Variants in NETO1 observed in about 807,000 individuals in gnomAD.
NETO1 encodes neuropilin and tolloid like 1, also known as neuropilin and tolloid-like protein 1.
Under a neutral mutation model 61.3 loss-of-function variants are expected in NETO1, and 26 were observed. The observed-to-expected ratio is 0.42, with a 90% CI of 0.31 to 0.59. The LOEUF (loss-of-function observed/expected upper bound fraction) is 0.59, where lower values mean the gene tolerates loss of function less well. Ranked by LOEUF, NETO1 falls within the 20% of genes least tolerant of loss-of-function variation. NETO1 has a pLI of 0.12. For missense variants in NETO1, 531 were observed against 662.8 expected, an observed-to-expected ratio of 0.80 and a Z score of 2.18; for synonymous variants, 225 against 225.8, an observed-to-expected ratio of 1.00 and a Z score of 0.03.
At chr18:72,844,605 C>T (rs1462091902) in intron 4 of NETO1, among the ~76,000 whole-genome samples, 4 of 152,152 alleles carry the variant, frequency 2.6e-5, no homozygotes, top group African/African-American at 4.8e-5. Flanking sequence ...CAGATTTTTT[C>T]GTATCTGGCG....
intron 7 of NETO1, among the ~76,000 whole-genome samples, chr18:72,782,272 C>T (rs554208106): frequency 6.6e-6 from 1 of 152,258 alleles, no homozygotes; most frequent in African/African-American, 2.4e-5. Flanking sequence ...CATTTGATTC[C>T]ATGCCTTTAC....
At chr18:72,776,516 T>C (rs2145200792) in intron 7 of NETO1, among the ~76,000 whole-genome samples, 1 of 152,296 alleles carries the variant, frequency 6.6e-6, no homozygotes, top group South Asian at 2.1e-4. Flanking sequence ...GAAATTTACT[T>C]CTCACTGTTT....
At chr18:72,752,097 G>A (rs1239025256) in intron 8 of NETO1, 1 of 152,106 alleles carries the variant, frequency 6.6e-6, no homozygotes, top group Non-Finnish European at 1.5e-5. Flanking sequence ...GAGACAGTTA[G>A]TGTCTTAAGA....
chr18:72,848,277 A>C (rs909442370), intron 4 of NETO1, among the ~76,000 whole-genome samples: 3 of 152,176 alleles, frequency 2.0e-5, no homozygotes, highest in Non-Finnish European at 4.4e-5. Context: ...ACCAAGATTC[A>C]TATCAACCCC....
chr18:72,841,733 C>A (rs1334483160), intron 4 of NETO1, among the ~76,000 whole-genome samples: 35 of 70,992 alleles, frequency 4.9e-4, no homozygotes, highest in South Asian at 9.6e-4. Flanking sequence ...GACTCTACCT[C>A]AACAAAAAAA....
At chr18:72,792,256 AC>A (rs2145270819) in intron 6 of NETO1, among the ~76,000 whole-genome samples, 1 of 152,128 alleles carries the variant, frequency 6.6e-6, no homozygotes, top group Admixed American at 6.5e-5. Flanking sequence ...ACGTGGAGAA[AC>A]CCCGTCTCTA....
At chr18:72,834,361 A>G (rs573947890) in intron 4 of NETO1, 1 of 919,588 alleles carries the variant, frequency 1.1e-6, no homozygotes, top group Non-Finnish European at 1.3e-6. Flanking sequence ...GAGACATTAA[A>G]TAGGTAAAGG....
chr18:72,766,037 T>C (rs1355511736), intron 7 of NETO1, among the ~76,000 whole-genome samples: 1 of 152,004 alleles, frequency 6.6e-6, no homozygotes, highest in Non-Finnish European at 1.5e-5. Context: ...TGAGAACTCA[T>C]CTCTACTAAA....
intron 4 of NETO1, among the ~76,000 whole-genome samples, chr18:72,848,307 C>T (rs2074149471): frequency 6.6e-6 from 1 of 151,956 alleles, no homozygotes; most frequent in Non-Finnish European, 1.5e-5. Context: ...ATAAATTCAC[C>T]CATCCCATGT....
intron 6 of NETO1, among the ~76,000 whole-genome samples, chr18:72,785,442 A>G (rs1490367541): frequency 6.6e-6 from 1 of 152,208 alleles, no homozygotes; most frequent in Non-Finnish European, 1.5e-5. Context: ...GGATAGTTGC[A>G]AAGTACAGAT....
intron 4 of NETO1, among the ~76,000 whole-genome samples, chr18:72,810,910 GC>G (rs2145203236): frequency 6.6e-6 from 1 of 152,298 alleles, no homozygotes; most frequent in African/African-American, 2.4e-5. Flanking sequence ...TTTATGGGAT[GC>G]CTTCTGCTTT....
intron 3 of NETO1, 149 bp from the exon 4 acceptor site, chr18:72,859,223 T>C (rs2074496839): frequency 9.4e-6 from 7 of 741,766 alleles, no homozygotes; most frequent in Non-Finnish European, 1.2e-5. Flanking sequence ...TATGATACTA[T>C]TCTACGGGAC....
intron 4 of NETO1, among the ~76,000 whole-genome samples, chr18:72,806,463 T>A (rs1480972531): frequency 6.6e-6 from 1 of 152,206 alleles, no homozygotes; most frequent in Non-Finnish European, 1.5e-5. Context: ...ATCACTCCTA[T>A]ACATAGTAGT....
At chr18:72,749,127 T>C (rs1347428885) in intron 9 of NETO1, 39 bp from the exon 10 acceptor site, 2 of 1,197,354 alleles carry the variant, frequency 1.7e-6, no homozygotes, top group Non-Finnish European at 2.4e-6. Flanking sequence ...AAAGTACTAT[T>C]TGCACAAAAA....
chr18:72,849,722 T>G (rs2074194031), intron 4 of NETO1, among the ~76,000 whole-genome samples: 1 of 152,228 alleles, frequency 6.6e-6, no homozygotes, highest in Admixed American at 6.5e-5. Context: ...ACAACAGGAA[T>G]TTATCTCTGG....
In NETO1 at chr18:72,794,495, C is replaced by A. The variant is rs1190562612; in HGVS notation, c.470-91G>T. 4.6e-6 allele frequency: 6 copies of A among 1,292,320 alleles called. No individual in the cohort carries two copies. The South Asian group carries it at 8.3e-5, about 18-fold the overall frequency. The allele number at this position is 1,292,320 out of a possible 1,614,324, so 80.1% of individuals were successfully genotyped here. A position where few individuals can be genotyped will look rare whatever the true frequency, so the allele number is the denominator to read the frequency against. ...ATTTATCATTAAGTTTTCCAGAAAT[C>A]TACCTTAAAAAACACATTAGGGAAA... On this transcript the variant is annotated intron_variant, in intron 4 of 10. Coordinates refer to ENST00000327305, the MANE Select transcript of NETO1 (RefSeq NM_138966.5).
intron 1 of NETO1, chr18:72,865,494 C>T: frequency 2.0e-6 from 3 of 1,505,698 alleles, no homozygotes; most frequent in Non-Finnish European, 2.7e-6. Context: ...ACATCATTCA[C>T]TCTAAAGGCA....
chr18:72,838,237 T>A (rs888165789), intron 4 of NETO1, among the ~76,000 whole-genome samples: 4 of 152,212 alleles, frequency 2.6e-5, no homozygotes, highest in African/African-American at 4.8e-5. Flanking sequence ...GCTGGTGATA[T>A]CTGTGGTTAA....
In NETO1 at chr18:72,867,511, G is replaced by A. The variant is rs1196438851; in HGVS notation, c.-220C>T. The A allele has an allele frequency of 1.0e-5, 4 of 389,756 alleles. No individual in the cohort carries two copies. The highest frequency in any genetic ancestry group is 2.1e-5 in the African/African-American group (1 of 48,330). The allele number at this position is 389,756 out of a possible 1,614,324, so 24.1% of individuals were successfully genotyped here. A position where few individuals can be genotyped will look rare whatever the true frequency, so the allele number is the denominator to read the frequency against. On this transcript the variant is annotated 5_prime_UTR_variant, in exon 1 of 11. An upstream open reading frame in the 5' UTR gains an earlier in-frame stop. Transcript: ENST00000327305. ...CGTCCTCCGCCCCGGGCGGGCTCTCGCTCTCGCTGGCCCTCAGCGCCGCGC... is the reference window on the plus strand; with the variant it reads ...CGTCCTCCGCCCCGGGCGGGCTCTCACTCTCGCTGGCCCTCAGCGCCGCGC...
Sources: gnomAD v4.1 joint callset for allele counts (sites outside exome capture counted in the v4.1 genomes callset) on GRCh38, gnomAD v4.1.1 for gene constraint, MANE v1.5 for transcripts, NCBI Gene and HGNC (gene_info 2026-07-23, HGNC 2026-07-21) for gene names.